HDAC9: variants seen among roughly 807,000 people sequenced by gnomAD.
HDAC9 encodes histone deacetylase 9.
In HDAC9, 41 loss-of-function variants were observed where a neutral mutation model predicts 139.4. The ratio of observed to expected loss-of-function variants is 0.29; its 90% CI spans 0.23 to 0.38. The LOEUF (loss-of-function observed/expected upper bound fraction) is 0.38, where lower values mean the gene tolerates loss of function less well. Ranked by LOEUF, HDAC9 falls within the 10% of genes least tolerant of loss-of-function variation. HDAC9 has a pLI of 1.00. For missense variants in HDAC9, 1,147 were observed against 1,297.0 expected, an observed-to-expected ratio of 0.88 and a Z score of 1.78; for synonymous variants, 517 against 476.2, an observed-to-expected ratio of 1.09 and a Z score of -1.12.
intron 1 of HDAC9, among the ~76,000 whole-genome samples, chr7:18,092,196 G>C (rs1231900687): frequency 6.6e-6 from 1 of 151,964 alleles, no homozygotes; most frequent in Non-Finnish European, 1.5e-5. Flanking sequence ...GATCAGCCTG[G>C]GCAACATGGC....
At chr7:18,272,054 A>G (rs185323279) in intron 2 of HDAC9, among the ~76,000 whole-genome samples, 73 of 152,314 alleles carry the variant, frequency 4.8e-4, no homozygotes, top group African/African-American at 1.6e-3. Context: ...ATTCATCACC[A>G]ATGTACTGAT....
At chr7:18,518,087 T>C (rs1803820980) in intron 2 of HDAC9, 1 of 152,220 alleles carries the variant, frequency 6.6e-6, no homozygotes, top group Non-Finnish European at 1.5e-5. Context: ...TAATCACTTA[T>C]TTTATTTGTT....
chr7:18,282,551 T>G (rs915872585), intron 2 of HDAC9, among the ~76,000 whole-genome samples: 2 of 152,130 alleles, frequency 1.3e-5, no homozygotes, highest in Non-Finnish European at 2.9e-5. Flanking sequence ...AATGACATAT[T>G]TGCACTGAGG....
At chr7:18,479,013 G>GAAT (rs1795340386) in intron 1 of HDAC9, among the ~76,000 whole-genome samples, 1 of 151,928 alleles carries the variant, frequency 6.6e-6, no homozygotes, top group South Asian at 2.1e-4. Flanking sequence ...TATATATTCT[G>GAAT]AATACTCATT....
chr7:18,918,870 C>A (rs1291999319), intron 22 of HDAC9, among the ~76,000 whole-genome samples: 3 of 152,126 alleles, frequency 2.0e-5, no homozygotes, highest in South Asian at 4.1e-4. Context: ...GGGGCCTGAA[C>A]AATTGTTTTG....
At chr7:18,100,557 A>C (rs1177677466) in intron 1 of HDAC9, among the ~76,000 whole-genome samples, 2 of 152,138 alleles carry the variant, frequency 1.3e-5, no homozygotes. Flanking sequence ...AGTCATATTT[A>C]GTGTGTTCTC....
At chr7:18,232,080 T>G (rs1318375918) in intron 2 of HDAC9, among the ~76,000 whole-genome samples, 1 of 152,200 alleles carries the variant, frequency 6.6e-6, no homozygotes, top group Admixed American at 6.5e-5. Context: ...ACATTATATT[T>G]AAGCACATAT....
intron 1 of HDAC9, among the ~76,000 whole-genome samples, chr7:18,489,960 CAT>C (rs1796244708): frequency 6.6e-6 from 1 of 152,036 alleles, no homozygotes; most frequent in Non-Finnish European, 1.5e-5. Context: ...ATGCTGCTCT[CAT>C]TCGCAAGCTA....
At chr7:18,729,973 G>T (rs61095195) in intron 13 of HDAC9, among the ~76,000 whole-genome samples, 1 of 152,104 alleles carries the variant, frequency 6.6e-6, no homozygotes, top group Non-Finnish European at 1.5e-5. Flanking sequence ...CTATTGTTCC[G>T]CTAAAGGATA....
chr7:18,628,131 G>A (rs1237641691), intron 6 of HDAC9, among the ~76,000 whole-genome samples: 2 of 152,172 alleles, frequency 1.3e-5, no homozygotes, highest in Non-Finnish European at 2.9e-5. Context: ...TGCTCTAGAT[G>A]ATTAGTGGTG....
chr7:18,788,008 G>A (rs1791965522), intron 16 of HDAC9, among the ~76,000 whole-genome samples: 1 of 152,136 alleles, frequency 6.6e-6, no homozygotes, highest in African/African-American at 2.4e-5. Context: ...GGCACCTGAG[G>A]GAGGGATGGA....
At chr7:18,438,844 G>C (rs1427218157) in intron 1 of HDAC9, among the ~76,000 whole-genome samples, 1 of 152,062 alleles carries the variant, frequency 6.6e-6, no homozygotes, top group Non-Finnish European at 1.5e-5. Flanking sequence ...TTCATTTTAT[G>C]GGACTAAACT....
At chr7:18,712,622 G>A (rs1388790653) in intron 12 of HDAC9, among the ~76,000 whole-genome samples, 1 of 152,082 alleles carries the variant, frequency 6.6e-6, no homozygotes, top group African/African-American at 2.4e-5. Context: ...CCAAGCAGAG[G>A]ATAAACAATG....
chr7:18,150,978 A>T (rs1448364279), intron 1 of HDAC9, among the ~76,000 whole-genome samples: 1 of 152,228 alleles, frequency 6.6e-6, no homozygotes. Context: ...ACTTTAATAC[A>T]ATCTAAAGGG....
chr7:18,614,194 A>C (rs1417921490), intron 6 of HDAC9, among the ~76,000 whole-genome samples: 1 of 152,068 alleles, frequency 6.6e-6, no homozygotes, highest in African/African-American at 2.4e-5. Context: ...ATCTAACTCC[A>C]CATCTCTAAA....
chr7:18,311,429 A>G (rs1340667442), intron 1 of HDAC9, among the ~76,000 whole-genome samples: 1 of 152,046 alleles, frequency 6.6e-6, no homozygotes, highest in Non-Finnish European at 1.5e-5. Flanking sequence ...TTCAGTTTTA[A>G]AAGTCCAGTT....
At chr7:18,451,155 G>T (rs559618288) in intron 1 of HDAC9, among the ~76,000 whole-genome samples, 292 of 152,240 alleles carry the variant, frequency 1.9e-3, no homozygotes, top group Middle Eastern at 6.8e-3. Flanking sequence ...GAGGGAGCTT[G>T]TGGGCCCCTT....
chr7:18,483,609 AT>A (rs1386672000), intron 1 of HDAC9, among the ~76,000 whole-genome samples: 2 of 152,196 alleles, frequency 1.3e-5, no homozygotes, highest in African/African-American at 4.8e-5. Flanking sequence ...AAGAAGCTTA[AT>A]TCTAGAAAAT....
chr7:18,266,030 G>T (rs1415667044), intron 2 of HDAC9, among the ~76,000 whole-genome samples: 1 of 152,094 alleles, frequency 6.6e-6, no homozygotes, highest in Non-Finnish European at 1.5e-5. Context: ...ATTAAAATTT[G>T]TTGGTCTATC....
Sources: gnomAD v4.1 joint callset for allele counts (sites outside exome capture counted in the v4.1 genomes callset) on GRCh38, gnomAD v4.1.1 for gene constraint, MANE v1.5 for transcripts, NCBI Gene and HGNC (gene_info 2026-07-23, HGNC 2026-07-21) for gene names.